DEFB109B: variants seen among roughly 807,000 people sequenced by gnomAD.
DEFB109B encodes the protein defensin beta 109B, also known as beta-defensin 109B.
rs1803096055 is a variant in DEFB109B at position 7,318,666 on chromosome 8, A to C, written n.59-1080A>C. ...CTTAATGCAGAGTGAGACCAAAATG[A>C]AGGTATTAACTATTTTCTTCCTAAT... On this transcript the variant is annotated intron_variant and non_coding_transcript_variant, in intron 1 of 1. Coordinates refer to ENST00000382656, the Ensembl canonical transcript of DEFB109B. 2.2e-5 allele frequency: 3 copies of C among 133,584 alleles called. No homozygotes were observed. In the South Asian group the frequency reaches 6.4e-4, roughly 29 times the overall value. The allele number at this position is 133,584 out of a possible 1,614,324, so 8.3% of individuals were successfully genotyped here.
chr8:7,319,548 C>T (rs1803182589), intron 1 of DEFB109B, 198 bp from the exon 2 acceptor site: 1 of 136,316 alleles, frequency 7.3e-6, no homozygotes, highest in South Asian at 2.3e-4. Flanking sequence ...ACCAAAAATG[C>T]AGTGACTGTT....
intron 1 of DEFB109B, among the ~76,000 whole-genome samples, chr8:7,316,123 T>A (rs1802905346): frequency 1.3e-4 from 1 of 7,640 alleles, no homozygotes; most frequent in South Asian, 3.2e-3. Flanking sequence ...CAATTTTGTA[T>A]TGTTATTTTT....
chr8:7,318,630 C>A (rs1365318855), intron 1 of DEFB109B: 1 of 130,608 alleles, frequency 7.7e-6, no homozygotes, highest in Non-Finnish European at 1.5e-5. Context: ...ACCCTTAACA[C>A]GATGACAACT....
chr8:7,313,724 A>C (rs1585312764), intron 1 of DEFB109B, among the ~76,000 whole-genome samples: 1 of 142,612 alleles, frequency 7.0e-6, no homozygotes, highest in Non-Finnish European at 1.5e-5. Flanking sequence ...AAACCTAAAG[A>C]AGATAAAGGG....
At chr8:7,315,613 C>T (rs1294703299) in intron 1 of DEFB109B, among the ~76,000 whole-genome samples, 1 of 131,750 alleles carries the variant, frequency 7.6e-6, no homozygotes, top group Non-Finnish European at 1.5e-5. Context: ...CCTACTGATG[C>T]TAAACTATCA....
In DEFB109B at chr8:7,313,797, T is replaced by C. The variant is rs554828334; in HGVS notation, n.58+894T>C. On this transcript the variant is annotated intron_variant and non_coding_transcript_variant, in intron 1 of 1. Coordinates refer to ENST00000382656, the Ensembl canonical transcript of DEFB109B. ...TGAGAAAAAACAGTATTTTAAAAAA[T>C]GTTTTTCAAAAAGTCTAATACACTT... Among the ~76,000 whole-genome samples, 8 of 130,958 alleles carry C rather than the reference T, an allele frequency of 6.1e-5. 1 individual carries two copies. In the South Asian group the frequency reaches 1.7e-3, roughly 28 times the overall value. The allele number at this position is 130,958 out of a possible 152,430, so 85.9% of individuals were successfully genotyped here.
At chr8:7,310,463 A>C (rs1802556732), upstream of DEFB109B, among the ~76,000 whole-genome samples, 1 of 109,680 alleles carries the variant, frequency 9.1e-6, no homozygotes. Context: ...CCAACCCTTA[A>C]GAGATCTGAT....
At chr8:7,309,722 G>A (rs1038472305), upstream of DEFB109B, among the ~76,000 whole-genome samples, 1 of 143,866 alleles carries the variant, frequency 7.0e-6, no homozygotes, top group African/African-American at 2.9e-5. Flanking sequence ...ATCCTAAGTA[G>A]ATCAGAAAAT....
chr8:7,312,114 A>G (rs1421194302), upstream of DEFB109B, among the ~76,000 whole-genome samples: 2 of 112,294 alleles, frequency 1.8e-5, no homozygotes, highest in Admixed American at 8.0e-5. Context: ...GAACAGATAG[A>G]AGAGTGTTAG....
At position 7,316,709 on chromosome 8, in the gene DEFB109B, C is replaced by G. The variant is rs1802957569; in HGVS notation, n.59-3037C>G. 8.3e-5 allele frequency among the ~76,000 whole-genome samples: 12 copies of G among 144,760 alleles called. No individual in the cohort carries two copies. The South Asian group carries it at 2.5e-3, about 30-fold the overall frequency. The allele number at this position is 144,760 out of a possible 152,430, so 95.0% of individuals were successfully genotyped here. A position where few individuals can be genotyped will look rare whatever the true frequency, so the allele number is the denominator to read the frequency against. ...TGTTGCAATCTTGGCTCACTACAAC[C>G]TCCACCTCCTGGGTTCAAGTGATTC... On this transcript the variant is annotated intron_variant and non_coding_transcript_variant, in intron 1 of 1. Coordinates refer to ENST00000382656, the Ensembl canonical transcript of DEFB109B.
At chr8:7,319,646 T>A (rs548672428) in intron 1 of DEFB109B, 100 bp from the exon 2 acceptor site, 1 of 145,188 alleles carries the variant, frequency 6.9e-6, no homozygotes, top group Admixed American at 6.7e-5. Context: ...AGCTCCCACA[T>A]AAAAACGTTC....
At chr8:7,312,092 G>GGT (rs1338331018), upstream of DEFB109B, among the ~76,000 whole-genome samples, 1 of 100,628 alleles carries the variant, frequency 9.9e-6, no homozygotes, top group East Asian at 2.4e-4. Flanking sequence ...CCTTTACTTG[G>GGT]GTGGGGGGGG....
In DEFB109B at chr8:7,313,755, T is replaced by C. The variant is rs575500666; in HGVS notation, n.58+852T>C. 2.9e-5 allele frequency among the ~76,000 whole-genome samples: 4 copies of C among 137,324 alleles called. 1 individual carries two copies. Among genetic ancestry groups the C allele is most frequent in the South Asian group, 4.2e-4 (2 of 4,714 alleles). The allele number at this position is 137,324 out of a possible 152,430, so 90.1% of individuals were successfully genotyped here. Reference sequence around the variant, plus strand: ...AAGGGAAAATTATAAATACAAAATATAAATTAATGAAACAAATGAGAAAAA... The same window carrying C: ...AAGGGAAAATTATAAATACAAAATACAAATTAATGAAACAAATGAGAAAAA... On this transcript the variant is annotated intron_variant and non_coding_transcript_variant, in intron 1 of 1. Coordinates refer to ENST00000382656, the Ensembl canonical transcript of DEFB109B.
At chr8:7,319,416 T>C (rs1803171554) in intron 1 of DEFB109B, 2 of 144,292 alleles carry the variant, frequency 1.4e-5, no homozygotes, top group Admixed American at 6.7e-5. Context: ...GGGCCCTCAG[T>C]AACCCACTCT....
intron 1 of DEFB109B, among the ~76,000 whole-genome samples, chr8:7,315,245 C>T (rs1802827602): frequency 8.4e-6 from 1 of 119,290 alleles, no homozygotes; most frequent in Non-Finnish European, 1.6e-5. Flanking sequence ...GGGCCACACG[C>T]GGTGGCTCAC....
upstream of DEFB109B, among the ~76,000 whole-genome samples, chr8:7,309,754 T>C (rs1260765139): frequency 7.3e-6 from 1 of 136,956 alleles, no homozygotes; most frequent in Non-Finnish European, 1.5e-5. Flanking sequence ...CTTGAACTTG[T>C]ATAGGCAAGA....
chr8:7,310,659 A>G (rs528107369), upstream of DEFB109B, among the ~76,000 whole-genome samples: 3,844 of 146,158 alleles, frequency 0.026, 564 homozygotes, highest in African/African-American at 0.1. Context: ...CACACTCCAC[A>G]TAGGTTTGGG....
chr8:7,319,399 A>C (rs1185714256), intron 1 of DEFB109B: 1 of 145,280 alleles, frequency 6.9e-6, no homozygotes, highest in Non-Finnish European at 1.5e-5. Context: ...ACAAGGTGGA[A>C]GCACCAGGGC....
chr8:7,311,937 C>G (rs1802629504), upstream of DEFB109B, among the ~76,000 whole-genome samples: 1 of 120,928 alleles, frequency 8.3e-6, no homozygotes, highest in Admixed American at 7.7e-5. Flanking sequence ...TTACAAAGCT[C>G]TTTTGTGATT....
Sources: gnomAD v4.1 joint callset for allele counts (sites outside exome capture counted in the v4.1 genomes callset) on GRCh38, gnomAD v4.1.1 for gene constraint, MANE v1.5 for transcripts, NCBI Gene and HGNC (gene_info 2026-07-23, HGNC 2026-07-21) for gene names.